MRTFA: variants seen among roughly 807,000 people sequenced by gnomAD.
MRTFA encodes the protein myocardin-related transcription factor A.
Under a neutral mutation model 83.5 loss-of-function variants are expected in MRTFA, and 20 were observed. The ratio of observed to expected loss-of-function variants is 0.24; its 90% confidence interval spans 0.17 to 0.35. The LOEUF (loss-of-function observed/expected upper bound fraction) is 0.35, where lower values mean the gene tolerates loss of function less well. Ranked by LOEUF, MRTFA falls within the 10% of genes least tolerant of loss-of-function variation. MRTFA has a pLI of 1.00. For missense variants in MRTFA, 1,200 were observed against 1,224.7 expected (o/e 0.98, Z 0.30); for synonymous variants, 659 against 541.2 (o/e 1.22, Z -3.02).
At chr22:40,450,620 T>TG (rs2053469006) in intron 4 of MRTFA, among the ~76,000 whole-genome samples, 1 of 16,930 alleles carries the variant, frequency 5.9e-5, no homozygotes, top group South Asian at 4.7e-3. Flanking sequence ...CACAGCTGGC[T>TG]AATTTTTTTT....
chr22:40,526,993 G>A (rs1400466058), intron 3 of MRTFA, among the ~76,000 whole-genome samples: 4 of 151,878 alleles, frequency 2.6e-5, no homozygotes, highest in Admixed American at 1.3e-4. Flanking sequence ...GGGGTGCAGC[G>A]GTACACGCCT....
At chr22:40,565,061 C>G (rs1436217572) in intron 2 of MRTFA, among the ~76,000 whole-genome samples, 2 of 152,086 alleles carry the variant, frequency 1.3e-5, no homozygotes, top group East Asian at 3.8e-4. Flanking sequence ...CTAGAAGAAA[C>G]AGAAATTTTA....
At chr22:40,472,807 G>A (rs1435612445) in intron 3 of MRTFA, among the ~76,000 whole-genome samples, 3 of 152,144 alleles carry the variant, frequency 2.0e-5, no homozygotes, top group African/African-American at 7.2e-5. Context: ...AGGACACAGG[G>A]CAACAGAGAC....
At chr22:40,417,937 G>A (rs940346564) in intron 12 of MRTFA, among the ~76,000 whole-genome samples, 8 of 152,158 alleles carry the variant, frequency 5.3e-5, no homozygotes, top group Admixed American at 2.0e-4. Context: ...GGAGCTTTCC[G>A]CTGCTGACAC....
At chr22:40,627,769 A>G (rs1344019870) in intron 1 of MRTFA, among the ~76,000 whole-genome samples, 2 of 152,184 alleles carry the variant, frequency 1.3e-5, no homozygotes, top group African/African-American at 4.8e-5. Flanking sequence ...GCGTGAGGGC[A>G]AGAGTTCAAG....
rs553845142 is a variant in MRTFA at position 40,548,795 on chromosome 22, C to T, written c.241+3311G>A. ...AGGAGAATTACTTGAACCTGGGAGG[C>T]GGAGGTTGCAGTGAGTCAAGATCGC... On this transcript the variant is annotated intron_variant, in intron 3 of 14. Coordinates refer to ENST00000355630, the MANE Select transcript of MRTFA (RefSeq NM_020831.6). Among the ~76,000 whole-genome samples the T allele has an allele frequency of 1.9e-4, 29 of 151,658 alleles. No homozygotes were observed. The South Asian group carries it at 5.4e-3, about 28-fold the overall frequency.
intron 2 of MRTFA, among the ~76,000 whole-genome samples, chr22:40,588,510 C>G (rs564736805): frequency 6.6e-6 from 1 of 152,296 alleles, no homozygotes; most frequent in African/African-American, 2.4e-5. Flanking sequence ...CCATACTTTT[C>G]CAAATACCCT....
At chr22:40,420,104 C>A (rs2052796547) in intron 11 of MRTFA, among the ~76,000 whole-genome samples, 2 of 152,242 alleles carry the variant, frequency 1.3e-5, no homozygotes. Flanking sequence ...ACACTGCATG[C>A]AACACGTAAG....
rs141945541 is a variant in MRTFA, at chr22:40,626,866, A to AACACACACACACACACAC, written c.-84+9594_-84+9611dup. ...TGTATCAGAATGAGACCCTGTCTCA[A>AACACACACACACACACAC]ACACACACACACACACACACACACA... On this transcript the variant is annotated intron_variant, in intron 1 of 14. Transcript: ENST00000355630. Among the ~76,000 whole-genome samples the AACACACACACACACACAC allele has an allele frequency of 1.8e-3, 255 of 145,212 alleles. 1 individual carries two copies. Among genetic ancestry groups the AACACACACACACACACAC allele is most frequent in the African/African-American group, 6.2e-3 (243 of 39,182 alleles).
chr22:40,415,728 C>G (rs1352403729), intron 14 of MRTFA, among the ~76,000 whole-genome samples: 2 of 152,068 alleles, frequency 1.3e-5, no homozygotes, highest in African/African-American at 4.8e-5. Context: ...TTCTTCCCCT[C>G]TGCAGGGGAA....
At chr22:40,500,892 C>T (rs917717722) in intron 3 of MRTFA, among the ~76,000 whole-genome samples, 1 of 150,906 alleles carries the variant, frequency 6.6e-6, no homozygotes, top group Non-Finnish European at 1.5e-5. Context: ...CTGGCCCATT[C>T]TCAATGAGCT....
At chr22:40,516,611 T>G (rs2054765052) in intron 3 of MRTFA, among the ~76,000 whole-genome samples, 1 of 152,034 alleles carries the variant, frequency 6.6e-6, no homozygotes, top group Non-Finnish European at 1.5e-5. Flanking sequence ...CAGAAACTAT[T>G]AGCTACAACG....
At chr22:40,525,062 A>G (rs1458845348) in intron 3 of MRTFA, among the ~76,000 whole-genome samples, 1 of 152,128 alleles carries the variant, frequency 6.6e-6, no homozygotes, top group Non-Finnish European at 1.5e-5. Flanking sequence ...CGCCCGCCCC[A>G]GCCTCCCAAA....
At chr22:40,565,348 A>C (rs1289254357) in intron 2 of MRTFA, among the ~76,000 whole-genome samples, 1 of 152,180 alleles carries the variant, frequency 6.6e-6, no homozygotes, top group Non-Finnish European at 1.5e-5. Flanking sequence ...GGAGTTCAAG[A>C]CCAGCCTGGC....
At chr22:40,596,203 G>A (rs2056190155) in intron 1 of MRTFA, among the ~76,000 whole-genome samples, 1 of 152,012 alleles carries the variant, frequency 6.6e-6, no homozygotes, top group Admixed American at 6.6e-5. Flanking sequence ...AATAGCCTCT[G>A]TTGTAAATAA....
chr22:40,635,695 C>A (rs925243443), intron 1 of MRTFA, among the ~76,000 whole-genome samples: 2 of 152,204 alleles, frequency 1.3e-5, no homozygotes, highest in Non-Finnish European at 2.9e-5. Context: ...GCAAACATTT[C>A]TTGGGCCCTT....
chr22:40,531,262 C>CTTTTTTTTTTT (rs397868211), intron 3 of MRTFA, among the ~76,000 whole-genome samples: 46 of 108,100 alleles, frequency 4.3e-4, no homozygotes, highest in East Asian at 1.4e-3. Context: ...TCATACCTGG[C>CTTTTTTTTTTT]TTTTTTTTTT....
At chr22:40,562,023 T>C (rs2055625729) in intron 2 of MRTFA, among the ~76,000 whole-genome samples, 1 of 152,118 alleles carries the variant, frequency 6.6e-6, no homozygotes, top group Admixed American at 6.6e-5. Context: ...GAGACCATCC[T>C]AGCTAACAAG....
chr22:40,495,716 G>GCA (rs2054341870), intron 3 of MRTFA, among the ~76,000 whole-genome samples: 1 of 130,648 alleles, frequency 7.7e-6, no homozygotes. Flanking sequence ...CCGAGATCAA[G>GCA]CCACTGCACT....
Sources: gnomAD v4.1 joint callset for allele counts (sites outside exome capture counted in the v4.1 genomes callset) on GRCh38, gnomAD v4.1.1 for gene constraint, MANE v1.5 for transcripts, NCBI Gene and HGNC (gene_info 2026-07-23, HGNC 2026-07-21) for gene names.